NSG1: variants seen among roughly 807,000 people sequenced by gnomAD.
NSG1 encodes neuronal vesicle trafficking associated 1, also known as neuronal vesicle trafficking-associated protein 1.
Under a neutral mutation model 19.3 loss-of-function variants are expected in NSG1, and 9 were observed. The ratio of observed to expected loss-of-function variants is 0.47; its 90% CI spans 0.28 to 0.81. The LOEUF is 0.81. Ranked by LOEUF, NSG1 falls within the 40% of genes least tolerant of loss-of-function variation. NSG1 has a pLI of 0.11. For missense variants in NSG1, 236 were observed against 242.4 expected (o/e 0.97, Z 0.18); for synonymous variants, 104 against 107.0 (o/e 0.97, Z 0.17).
chr4:4,414,488 C>T (rs547147556), intron 4 of NSG1, among the ~76,000 whole-genome samples: 2 of 152,168 alleles, frequency 1.3e-5, no homozygotes, highest in African/African-American at 4.8e-5. Flanking sequence ...CTGTATCCAG[C>T]TGCCCTTGGC....
chr4:4,399,717 G>A (rs1723448607), intron 3 of NSG1, among the ~76,000 whole-genome samples: 1 of 152,288 alleles, frequency 6.6e-6, no homozygotes, highest in South Asian at 2.1e-4. Context: ...TTTGGCACCA[G>A]GGACTGGTTT....
At position 4,417,563 on chromosome 4, in the gene NSG1, T is replaced by G; in HGVS notation, c.*128T>G. ...TTACGGTGCAATTGCTTCTGTTTGC[T>G]AATGCTGCTTTGCAAATAAAACTTG... is the stretch of plus-strand genomic sequence containing the variant. On this transcript the variant is annotated 3_prime_UTR_variant, in exon 5 of 5. Transcript: ENST00000621129. The G allele has an allele frequency of 1.1e-6, 1 of 922,182 alleles. No individual in the cohort carries two copies. The highest frequency in any genetic ancestry group is 1.6e-6 in the Non-Finnish European group (1 of 616,528). The allele number at this position is 922,182 out of a possible 1,614,324, so 57.1% of individuals were successfully genotyped here.
At chr4:4,389,379 A>G (rs931813304) in intron 2 of NSG1, among the ~76,000 whole-genome samples, 9 of 152,228 alleles carry the variant, frequency 5.9e-5, no homozygotes, top group Non-Finnish European at 1.0e-4. Context: ...TCTCGGGTCC[A>G]GCCAGACCTT....
intron 4 of NSG1, among the ~76,000 whole-genome samples, chr4:4,415,042 A>G (rs1724445294): frequency 6.6e-6 from 1 of 152,122 alleles, no homozygotes; most frequent in Admixed American, 6.5e-5. Context: ...CCACATTTTT[A>G]TACTGGCTTT....
chr4:4,416,421 T>C lies in NSG1; in HGVS notation c.358-814T>C, dbSNP rs559202275. Among the ~76,000 whole-genome samples, 40 of 152,312 alleles carry C rather than the reference T, an allele frequency of 2.6e-4. No homozygotes were observed. In the East Asian group the frequency reaches 7.5e-3, roughly 29 times the overall value. ...GGTTCAATGAGCTGGTAACAGAGAATGGATTCCCCATGGGGGCTGGGTGGC... is the reference window on the plus strand; with the variant it reads ...GGTTCAATGAGCTGGTAACAGAGAACGGATTCCCCATGGGGGCTGGGTGGC... On this transcript the variant is annotated intron_variant, in intron 4 of 4. Transcript: ENST00000621129.
At chr4:4,404,943 G>A (rs10029481) in intron 3 of NSG1, among the ~76,000 whole-genome samples, 5,479 of 152,176 alleles carry the variant, frequency 0.036, 310 homozygotes, top group African/African-American at 0.13. Context: ...AAGGAACGGG[G>A]TAATGGCAGA....
intron 3 of NSG1, among the ~76,000 whole-genome samples, chr4:4,408,720 A>G (rs1723998172): frequency 6.6e-6 from 1 of 151,522 alleles, no homozygotes; most frequent in African/African-American, 2.4e-5. Context: ...TCGGCATCCC[A>G]AAGTGCTGGG....
intron 3 of NSG1, among the ~76,000 whole-genome samples, chr4:4,397,037 A>ATGTGTGTG (rs1553816560): frequency 2.5e-5 from 1 of 40,156 alleles, no homozygotes; most frequent in East Asian, 2.6e-3. Flanking sequence ...GGGTTCAGTC[A>ATGTGTGTG]TCTGTGTGTG....
At chr4:4,390,306 T>TG (rs1722928968) in intron 2 of NSG1, among the ~76,000 whole-genome samples, 1 of 152,184 alleles carries the variant, frequency 6.6e-6, no homozygotes. Context: ...GAAAAGGAGT[T>TG]GGGGTCAGAG....
At chr4:4,396,151 A>T (rs1339760493) in intron 3 of NSG1, among the ~76,000 whole-genome samples, 2 of 152,220 alleles carry the variant, frequency 1.3e-5, no homozygotes, top group Non-Finnish European at 2.9e-5. Flanking sequence ...ACTGGCTGAG[A>T]TGTTTCTCAA....
chr4:4,415,338 G>A (rs1282075684), intron 4 of NSG1, among the ~76,000 whole-genome samples: 1 of 152,144 alleles, frequency 6.6e-6, no homozygotes, highest in East Asian at 1.9e-4. Context: ...GTGAGGGAAT[G>A]AGGCCCAGAG....
At chr4:4,407,605 G>A (rs1195845016) in intron 3 of NSG1, among the ~76,000 whole-genome samples, 1 of 152,190 alleles carries the variant, frequency 6.6e-6, no homozygotes, top group Non-Finnish European at 1.5e-5. Flanking sequence ...AGCTGGTCCT[G>A]TGGCCAGGGC....
chr4:4,387,567 T>A, intron 1 of NSG1, 37 bp from the exon 2 acceptor site: 1 of 456,622 alleles, frequency 2.2e-6, no homozygotes, highest in Non-Finnish European at 3.9e-6. Context: ...GCCCCGGGTC[T>A]TGCTTGTGGT....
intron 2 of NSG1, among the ~76,000 whole-genome samples, chr4:4,390,506 AC>A (rs1722936262): frequency 1.3e-5 from 2 of 152,106 alleles, no homozygotes; most frequent in African/African-American, 4.8e-5. Context: ...CCTGGTCCCC[AC>A]CATCGTGGAG....
At chr4:4,402,915 C>T (rs1285254709) in intron 3 of NSG1, among the ~76,000 whole-genome samples, 1 of 152,254 alleles carries the variant, frequency 6.6e-6, no homozygotes, top group Admixed American at 6.5e-5. Flanking sequence ...AAGAGCTGCC[C>T]TGGATCTGCT....
intron 3 of NSG1, among the ~76,000 whole-genome samples, chr4:4,395,487 G>A (rs747884291): frequency 8.5e-5 from 13 of 152,138 alleles, no homozygotes; most frequent in Non-Finnish European, 1.6e-4. Flanking sequence ...ATCCCTGAAC[G>A]CGTGCACACA....
Position 4,391,527 on chromosome 4 carries a change from C to T in NSG1, c.182C>T (p.Ala61Val), listed in dbSNP as rs1189497294. The T allele has an allele frequency of 6.2e-7, 1 of 1,613,838 alleles. No homozygotes were observed. The highest frequency in any genetic ancestry group is 1.7e-5 in the Admixed American group (1 of 59,894). Reference sequence around the variant, plus strand: ...GAACCTGACCGCAAGAAAGGGAAAGCACGTCCTCCCCAAATTGCTGAGTTC... The same window carrying T: ...GAACCTGACCGCAAGAAAGGGAAAGTACGTCCTCCCCAAATTGCTGAGTTC... ...EYEPDRKKGK[A>V]RPPQIAEFTV... Residue 61 changes from alanine (A) to valine (V), a missense_variant, in exon 3 of 5, where the codon GCA becomes GTA. Transcript: ENST00000621129.
At chr4:4,409,121 C>A (rs552474281) in intron 3 of NSG1, among the ~76,000 whole-genome samples, 2 of 152,368 alleles carry the variant, frequency 1.3e-5, no homozygotes, top group South Asian at 4.1e-4. Flanking sequence ...GGTGTCCATG[C>A]GACACTGCGT....
At chr4:4,410,272 A>T (rs1283662542) in intron 4 of NSG1, among the ~76,000 whole-genome samples, 1 of 152,208 alleles carries the variant, frequency 6.6e-6, no homozygotes, top group African/African-American at 2.4e-5. Context: ...TATAATGCTC[A>T]TTCCCAAAAG....
Sources: allele counts gnomAD v4.1 joint callset (sites outside exome capture counted in the v4.1 genomes callset), GRCh38; gene constraint gnomAD v4.1.1; transcripts MANE v1.5; gene names NCBI Gene and HGNC (gene_info 2026-07-23, HGNC 2026-07-21).